PARD3: variants seen among roughly 807,000 people sequenced by gnomAD.
PARD3 encodes the protein partitioning defective 3 homolog.
A neutral mutation model predicts 155.4 loss-of-function variants in PARD3; 75 were observed. The observed-to-expected ratio is 0.48, with a 90% confidence interval of 0.40 to 0.58. PARD3 has a LOEUF of 0.58. PARD3 is among the 20% of genes least tolerant of loss of function. PARD3 has a pLI of 0.00. For missense variants in PARD3, 1,642 were observed against 1,721.7 expected, an observed-to-expected ratio of 0.95 and a Z score of 0.82; for synonymous variants, 576 against 610.5, an observed-to-expected ratio of 0.94 and a Z score of 0.83.
chr10:34,145,222 T>TATA (rs1491495958), intron 22 of PARD3, among the ~76,000 whole-genome samples: 3 of 40,146 alleles, frequency 7.5e-5, no homozygotes, highest in Admixed American at 2.4e-4. Flanking sequence ...TATATATATA[T>TATA]TTTTTTTTTT....
chr10:34,448,456 G>A (rs530936311), intron 5 of PARD3, among the ~76,000 whole-genome samples: 4 of 152,184 alleles, frequency 2.6e-5, no homozygotes, highest in Non-Finnish European at 2.9e-5. Flanking sequence ...GAACTCTGGA[G>A]ACCTAACGTA....
intron 1 of PARD3, among the ~76,000 whole-genome samples, chr10:34,712,680 A>G (rs2094464765): frequency 6.6e-6 from 1 of 152,126 alleles, no homozygotes; most frequent in Non-Finnish European, 1.5e-5. Flanking sequence ...TTAGGAAGGG[A>G]GACACTGTCG....
intron 1 of PARD3, among the ~76,000 whole-genome samples, chr10:34,736,669 T>TA (rs2094921529): frequency 6.6e-6 from 1 of 151,096 alleles, no homozygotes; most frequent in African/African-American, 2.4e-5. Context: ...TTTATTTATT[T>TA]ATTTATTTAT....
Position 34,111,339 on chromosome 10 carries a change from G to T in PARD3, c.3892C>A (p.Gln1298Lys). 1.2e-6 allele frequency: 2 copies of T among 1,613,980 alleles called. No homozygotes were observed. Among genetic ancestry groups the T allele is most frequent in the Non-Finnish European group, 8.5e-7 (1 of 1,179,860 alleles). The part of the protein sequence containing the change: ...QRRKEQQMKK[Q>K]PPSEGPSNYD... The stretch of plus-strand genomic sequence containing the variant: ...TTGCTGGGCCCCTCGGAAGGAGGCT[G>T]CTTCTTCATCTGCTGCTCCTTCCGC... Residue 1298 changes from glutamine (Q) to lysine (K), a missense_variant, in exon 25 of 25, where the codon CAG (glutamine) becomes AAG (lysine). Around this residue, in one of 3 missense-constraint regions of PARD3, gnomAD observed 1,529 missense variants for 1,587.3 expected, o/e 0.96. Coordinates refer to ENST00000374788, the MANE Select transcript of PARD3 (RefSeq NM_001184785.2).
intron 2 of PARD3, among the ~76,000 whole-genome samples, chr10:34,588,580 T>A (rs559945908): frequency 1.3e-5 from 2 of 152,300 alleles, no homozygotes; most frequent in African/African-American, 4.8e-5. Context: ...CTCCTTGCCT[T>A]TAAAAATCCC....
At chr10:34,138,754 T>C (rs1442389338) in intron 22 of PARD3, among the ~76,000 whole-genome samples, 1 of 152,220 alleles carries the variant, frequency 6.6e-6, no homozygotes, top group South Asian at 2.1e-4. Context: ...CATTTTCTTT[T>C]TGCTATCTAC....
chr10:34,720,312 G>A (rs538418996), intron 1 of PARD3, among the ~76,000 whole-genome samples: 21 of 152,044 alleles, frequency 1.4e-4, no homozygotes, highest in Non-Finnish European at 2.8e-4. Context: ...GTGGGTGCCT[G>A]TAATCTCAGC....
intron 1 of PARD3, among the ~76,000 whole-genome samples, chr10:34,806,467 G>C (rs1275141040): frequency 6.6e-6 from 1 of 152,064 alleles, no homozygotes; most frequent in East Asian, 1.9e-4. Context: ...GGGATTACAG[G>C]CGTGAGCCAC....
Position 34,229,056 on chromosome 10 carries a change from C to T in PARD3, c.3419+40601G>A, listed in dbSNP as rs1467578830. On this transcript the variant is annotated intron_variant, in intron 22 of 24. Coordinates refer to ENST00000374788, the MANE Select transcript of PARD3 (RefSeq NM_001184785.2). Reference sequence around the variant, plus strand: ...AGTGTTTCCTTATCATTTCCTTCAGCCTCCAAACCTCCAGCAACTGGGTCC... The same window carrying T: ...AGTGTTTCCTTATCATTTCCTTCAGTCTCCAAACCTCCAGCAACTGGGTCC... Among the ~76,000 whole-genome samples, 3 of 152,024 alleles carry T rather than the reference C, an allele frequency of 2.0e-5. No homozygotes were observed. In the East Asian group the frequency reaches 5.8e-4, roughly 29 times the overall value.
intron 2 of PARD3, among the ~76,000 whole-genome samples, chr10:34,597,965 G>A (rs752955721): frequency 6.6e-6 from 1 of 152,166 alleles, no homozygotes; most frequent in Non-Finnish European, 1.5e-5. Context: ...CTTTCTCACA[G>A]GCTCTAAACC....
At chr10:34,350,107 G>A (rs1837880122) in intron 14 of PARD3, among the ~76,000 whole-genome samples, 1 of 152,194 alleles carries the variant, frequency 6.6e-6, no homozygotes, top group South Asian at 2.1e-4. Context: ...ATATTTAACA[G>A]AAGATACAAT....
Position 34,346,254 on chromosome 10 carries a change from G to A in PARD3, c.2218+1711C>T, listed in dbSNP as rs1837412594. The A allele has an allele frequency of 4.3e-6, 5 of 1,155,018 alleles. No individual in the cohort carries two copies. The South Asian group carries it at 9.7e-5, about 22-fold the overall frequency. The allele number at this position is 1,155,018 out of a possible 1,614,324, so 71.5% of individuals were successfully genotyped here. A position where few individuals can be genotyped will look rare whatever the true frequency, so the allele number is the denominator to read the frequency against. On this transcript the variant is annotated intron_variant, in intron 15 of 24. Transcript: ENST00000374788. Reference sequence around the variant, plus strand: ...CTAACAAAATCGGGGCAACAGACTAGGAAGAAAATGAATGACTCTTCAACT... The same window carrying A: ...CTAACAAAATCGGGGCAACAGACTAAGAAGAAAATGAATGACTCTTCAACT...
At chr10:34,168,193 C>T (rs1949625788) in intron 22 of PARD3, among the ~76,000 whole-genome samples, 1 of 152,024 alleles carries the variant, frequency 6.6e-6, no homozygotes, top group Admixed American at 6.6e-5. Flanking sequence ...AAAATACCTC[C>T]TCCAACAGAA....
chr10:34,233,155 C>G (rs1268778794), intron 22 of PARD3, among the ~76,000 whole-genome samples: 3 of 151,392 alleles, frequency 2.0e-5, no homozygotes, highest in Non-Finnish European at 2.9e-5. Flanking sequence ...GCCTACTACC[C>G]CATCAGGCGT....
chr10:34,127,014 T>C (rs145828502), intron 23 of PARD3, among the ~76,000 whole-genome samples: 4 of 152,224 alleles, frequency 2.6e-5, no homozygotes, highest in Non-Finnish European at 5.9e-5. Context: ...CCTTCAGTAG[T>C]TGAGTTTCCA....
At chr10:34,236,761 A>C (rs1953258907) in intron 22 of PARD3, among the ~76,000 whole-genome samples, 1 of 152,196 alleles carries the variant, frequency 6.6e-6, no homozygotes, top group African/African-American at 2.4e-5. Context: ...TGTGGGGCTA[A>C]AGACCTTCAC....
intron 3 of PARD3, among the ~76,000 whole-genome samples, chr10:34,499,549 T>TA (rs200204456): frequency 0.012 from 1,710 of 143,954 alleles, 31 homozygotes; most frequent in African/African-American, 0.037. Flanking sequence ...TTCCTCAGTG[T>TA]AAAAAAAAAA....
At chr10:34,743,536 A>C (rs185143136) in intron 1 of PARD3, among the ~76,000 whole-genome samples, 1 of 152,194 alleles carries the variant, frequency 6.6e-6, no homozygotes, top group African/African-American at 2.4e-5. Flanking sequence ...ATCTACACTA[A>C]ATTTCAGGTC....
At chr10:34,414,408 C>T (rs1329831609) in intron 5 of PARD3, among the ~76,000 whole-genome samples, 3 of 152,098 alleles carry the variant, frequency 2.0e-5, no homozygotes, top group South Asian at 4.1e-4. Flanking sequence ...TAAAGGAACA[C>T]TCAGTCGGCC....
Sources: gnomAD v4.1 joint callset for allele counts (sites outside exome capture counted in the v4.1 genomes callset) on GRCh38, gnomAD v4.1.1 for gene constraint, gnomAD v4.1.1 regional missense constraint, MANE v1.5 for transcripts, NCBI Gene and HGNC (gene_info 2026-07-23, HGNC 2026-07-21) for gene names.